PACRG: variants seen among roughly 807,000 people sequenced by gnomAD.
PACRG encodes the protein parkin coregulated, also known as parkin coregulated gene protein.
A neutral mutation model predicts 29.7 loss-of-function variants in PACRG; 29 were observed. That is an observed-to-expected ratio of 0.98 (90% CI 0.73 to 1.33). The LOEUF is 1.33. Among genes scored for constraint, PACRG ranks in the 40% most tolerant of loss-of-function variants. PACRG has a pLI of 0.00. For missense variants in PACRG, 279 were observed against 316.2 expected, an observed-to-expected ratio of 0.88 and a Z score of 0.89; for synonymous variants, 116 against 118.7, an observed-to-expected ratio of 0.98 and a Z score of 0.15.
chr6:163,014,742 A>G (rs1805933617), intron 2 of PACRG, among the ~76,000 whole-genome samples: 2 of 152,144 alleles, frequency 1.3e-5, no homozygotes, highest in South Asian at 4.1e-4. Context: ...TAGGTTCTAA[A>G]TAGTAGACCT....
chr6:162,815,635 G>T (rs985618009), intron 2 of PACRG, among the ~76,000 whole-genome samples: 1 of 151,804 alleles, frequency 6.6e-6, no homozygotes, highest in African/African-American at 2.4e-5. Flanking sequence ...AACTTGTTAT[G>T]TGAAAATGTA....
chr6:163,199,501 C>T (rs1013000040), intron 4 of PACRG, among the ~76,000 whole-genome samples: 1 of 152,150 alleles, frequency 6.6e-6, no homozygotes, highest in Non-Finnish European at 1.5e-5. Flanking sequence ...GGAGGAAACC[C>T]AGCCACAGAG....
At chr6:163,220,505 A>AT (rs1781542398) in intron 4 of PACRG, among the ~76,000 whole-genome samples, 1 of 152,234 alleles carries the variant, frequency 6.6e-6, no homozygotes, top group African/African-American at 2.4e-5. Flanking sequence ...AAGGCGGAGA[A>AT]GATGGCACAG....
intron 4 of PACRG, among the ~76,000 whole-genome samples, chr6:163,257,032 CTG>C (rs1443074195): frequency 6.6e-6 from 1 of 152,118 alleles, no homozygotes; most frequent in African/African-American, 2.4e-5. Flanking sequence ...CTTTTCTTGT[CTG>C]TGTCTCGGCG....
intron 4 of PACRG, chr6:163,184,937 T>C (rs1779848479): frequency 6.6e-6 from 1 of 152,014 alleles, no homozygotes; most frequent in African/African-American, 2.4e-5. Flanking sequence ...CAAATGGAAA[T>C]GGGACAAGCA....
intron 2 of PACRG, among the ~76,000 whole-genome samples, chr6:162,952,109 C>T (rs945005289): frequency 7.9e-5 from 12 of 152,122 alleles, no homozygotes; most frequent in South Asian, 2.1e-4. Context: ...TCTACCTCTC[C>T]GTCATGAAAG....
intron 4 of PACRG, among the ~76,000 whole-genome samples, chr6:163,168,634 T>C (rs1778930907): frequency 6.6e-6 from 1 of 152,226 alleles, no homozygotes; most frequent in African/African-American, 2.4e-5. Flanking sequence ...CCCAACTGTA[T>C]GTAATTCATT....
intron 2 of PACRG, among the ~76,000 whole-genome samples, chr6:162,896,561 G>A (rs142740815): frequency 2.1e-3 from 323 of 152,334 alleles, no homozygotes; most frequent in Non-Finnish European, 3.5e-3. Context: ...ATTATAAAAT[G>A]TATAGGCTAC....
At chr6:162,896,642 G>A (rs1795189851) in intron 2 of PACRG, among the ~76,000 whole-genome samples, 1 of 152,158 alleles carries the variant, frequency 6.6e-6, no homozygotes, top group African/African-American at 2.4e-5. Flanking sequence ...GTATCCATGT[G>A]TTCATTTATT....
At position 162,913,070 on chromosome 6, in the gene PACRG, A is replaced by G. The variant is rs1022347570; in HGVS notation, c.291+98789A>G. Among the ~76,000 whole-genome samples the G allele has an allele frequency of 2.8e-4, 43 of 152,362 alleles. 1 individual carries two copies. The highest frequency in any genetic ancestry group is 2.7e-3 in the Admixed American group (42 of 15,314). On this transcript the variant is annotated intron_variant, in intron 2 of 4. Transcript: ENST00000366888. Reference sequence around the variant, plus strand: ...CATTTATGCCTATTGTTCCAATGTAAGCCTTTAGGCTTATTTGTGTGTTCA... The same window carrying G: ...CATTTATGCCTATTGTTCCAATGTAGGCCTTTAGGCTTATTTGTGTGTTCA...
chr6:163,076,353 C>T (rs778363384), intron 3 of PACRG, among the ~76,000 whole-genome samples: 14 of 152,142 alleles, frequency 9.2e-5, no homozygotes, highest in Non-Finnish European at 1.5e-4. Context: ...ACACCCTCTG[C>T]GAGGCCCTCG....
intron 1 of PACRG, among the ~76,000 whole-genome samples, chr6:162,783,281 A>G (rs895044066): frequency 4.1e-4 from 63 of 152,116 alleles, no homozygotes; most frequent in African/African-American, 1.4e-3. Flanking sequence ...CTAATTCACA[A>G]TTCTAAAATA....
intron 2 of PACRG, among the ~76,000 whole-genome samples, chr6:163,024,041 TTCTTTTGCTGTGCAAAATC>T (rs1222204244): frequency 2.6e-5 from 4 of 152,234 alleles, no homozygotes; most frequent in African/African-American, 9.6e-5. Context: ...TATTGGTAGT[TTCTTTTGCTGTGCAAAATC>T]TCTTTAGTTT....
chr6:163,124,533 A>ATTATT (rs796389060), intron 4 of PACRG, among the ~76,000 whole-genome samples: 25 of 152,340 alleles, frequency 1.6e-4, no homozygotes, highest in Admixed American at 5.2e-4. Flanking sequence ...GGAATATAAC[A>ATTATT]TTATTTTATT....
At chr6:162,951,558 C>T (rs528303545) in intron 2 of PACRG, among the ~76,000 whole-genome samples, 11 of 152,320 alleles carry the variant, frequency 7.2e-5, no homozygotes, top group Middle Eastern at 3.4e-3. Flanking sequence ...TCCTGTGATA[C>T]GTCCACAACA....
chr6:163,122,586 C>T (rs934255379), intron 4 of PACRG, among the ~76,000 whole-genome samples: 5 of 152,146 alleles, frequency 3.3e-5, no homozygotes, highest in South Asian at 4.1e-4. Flanking sequence ...ATGATCCCTT[C>T]GCAACAGCTC....
At chr6:163,101,163 C>G in intron 4 of PACRG, 1 of 984,576 alleles carries the variant, frequency 1.0e-6, no homozygotes, top group East Asian at 1.1e-4. Flanking sequence ...CCCCCGCCCC[C>G]CAAAAAACCC....
chr6:162,757,760 G>A (rs1442112637), intron 1 of PACRG, among the ~76,000 whole-genome samples: 1 of 151,966 alleles, frequency 6.6e-6, no homozygotes, highest in Non-Finnish European at 1.5e-5. Context: ...TGCTACACAT[G>A]CATGAGGAAG....
intron 3 of PACRG, among the ~76,000 whole-genome samples, chr6:163,067,014 T>G (rs774931955): frequency 2.6e-5 from 4 of 152,196 alleles, no homozygotes; most frequent in Non-Finnish European, 4.4e-5. Flanking sequence ...ACTCATCGTT[T>G]TCACCCCGGA....
Sources: allele counts gnomAD v4.1 joint callset (sites outside exome capture counted in the v4.1 genomes callset), GRCh38; gene constraint gnomAD v4.1.1; transcripts MANE v1.5; gene names NCBI Gene and HGNC (gene_info 2026-07-23, HGNC 2026-07-21).